Variants in BECN1 observed in about 807,000 individuals in gnomAD.
BECN1 encodes beclin 1.
In BECN1, 15 loss-of-function variants were observed where a neutral mutation model predicts 60.1. The ratio of observed to expected loss-of-function variants is 0.25; its 90% CI spans 0.17 to 0.38. BECN1 has a LOEUF of 0.38. BECN1 is among the 10% of genes least tolerant of loss of function. The pLI, the probability that BECN1 is intolerant of heterozygous loss-of-function variation, is 1.00. For synonymous variants in BECN1, 179 were observed against 201.8 expected, an observed-to-expected ratio of 0.89 and a Z score of 0.96; for missense variants, 424 against 548.2, an observed-to-expected ratio of 0.77 and a Z score of 2.26.
rs762407326 is a variant in BECN1 at position 42,815,901 on chromosome 17, T to C, written c.830+7A>G. 1.1e-5 allele frequency: 17 copies of C among 1,614,078 alleles called. No homozygotes were observed. The African/African-American group carries it at 2.0e-4, about 19-fold the overall frequency. On this transcript the variant is annotated splice_region_variant and intron_variant, in intron 8 of 11. Coordinates refer to ENST00000590099, the MANE Select transcript of BECN1 (RefSeq NM_001313998.2). ...TGCAGTGCTCCTCATCCCCTAGCTC[T>C]CATTACCAGATGTGGAAGGTTGCAT...
chr17:42,816,187 C>A (rs1416418845), intron 7 of BECN1, 133 bp from the exon 8 acceptor site: 10 of 986,122 alleles, frequency 1.0e-5, no homozygotes, highest in Non-Finnish European at 1.3e-5. Context: ...TGGCATAGAT[C>A]CCATTCTGAG....
rs978981316 is a variant in BECN1, at chr17:42,814,952, G to C, written c.831-279C>G. On this transcript the variant is annotated intron_variant, in intron 8 of 11. Coordinates refer to ENST00000590099, the MANE Select transcript of BECN1 (RefSeq NM_001313998.2). ...CTGATTCTACCTGCTAAATATCTTG[G>C]ATCTTTCCACTTTTCTCCAAATTCA... is the stretch of plus-strand genomic sequence containing the variant. 12 of 436,490 alleles carry C rather than the reference G, an allele frequency of 2.7e-5. No individual in the cohort carries two copies. The East Asian group carries it at 4.4e-4, about 16-fold the overall frequency. The allele number at this position is 436,490 out of a possible 1,614,324, so 27.0% of individuals were successfully genotyped here.
rs540565326 is a variant in BECN1 at position 42,810,319 on chromosome 17, A to G, written c.*441T>C. The G allele has an allele frequency of 2.6e-5, 4 of 154,140 alleles. No homozygotes were observed. The highest frequency in any genetic ancestry group is 4.8e-5 in the African/African-American group (2 of 41,590). 9.5% of individuals were successfully genotyped at this position (154,140 alleles called of 1,614,324 possible). On this transcript the variant is annotated 3_prime_UTR_variant, in exon 12 of 12. Transcript: ENST00000590099. ...ATCACATGGTGACCAGGTAAAGCTT[A>G]GATGTCATTTTCCCACATTATCCAA...
At chr17:42,814,335 A>G in intron 9 of BECN1, 189 bp downstream of exon 9, 1 of 705,412 alleles carries the variant, frequency 1.4e-6, no homozygotes, top group Non-Finnish European at 2.3e-6. Flanking sequence ...CACGCAACTC[A>G]GTGACTGTGT....
At chr17:42,822,261 T>C (rs2055281669) in intron 2 of BECN1, among the ~76,000 whole-genome samples, 1 of 152,182 alleles carries the variant, frequency 6.6e-6, no homozygotes, top group Non-Finnish European at 1.5e-5. Context: ...CAGGTAATAA[T>C]AGCAGCTAAT....
In BECN1 at chr17:42,814,141, C is replaced by A. The variant is rs1409788174; in HGVS notation, c.981-133G>T. On this transcript the variant is annotated intron_variant, in intron 9 of 11. Coordinates refer to ENST00000590099, the MANE Select transcript of BECN1 (RefSeq NM_001313998.2). Reference sequence around the variant, plus strand: ...TATTATGCTCAACTCCCTCTCCCACCTCCCCATTGAATCCATGTTTAAAAG... The same window carrying A: ...TATTATGCTCAACTCCCTCTCCCACATCCCCATTGAATCCATGTTTAAAAG... 4.3e-5 allele frequency: 25 copies of A among 575,376 alleles called. No individual in the cohort carries two copies. The East Asian group carries it at 6.5e-4, about 15-fold the overall frequency. 35.6% of individuals were successfully genotyped at this position (575,376 alleles called of 1,614,324 possible).
chr17:42,814,706 A>G, intron 8 of BECN1, 33 bp from the exon 9 acceptor site: 1 of 1,612,392 alleles, frequency 6.2e-7, no homozygotes. Flanking sequence ...GGGGGGAAAT[A>G]CAGGGATTAC....
Position 42,814,025 on chromosome 17 carries a change from A to T in BECN1, c.981-17T>A. The stretch of plus-strand genomic sequence containing the variant: ...AGTCGGTATCTAAAATAGAGATACA[A>T]ACAGAGATGGATACAGGACTCCTCC... On this transcript the variant is annotated splice_polypyrimidine_tract_variant and intron_variant, in intron 9 of 11. Transcript: ENST00000590099. The T allele has an allele frequency of 6.4e-7, 1 of 1,560,216 alleles. No individual in the cohort carries two copies. The highest frequency in any genetic ancestry group is 8.8e-7 in the Non-Finnish European group (1 of 1,136,918).
rs1004791977 is a variant in BECN1 at position 42,810,568 on chromosome 17, T to C, written c.*192A>G. On this transcript the variant is annotated 3_prime_UTR_variant, in exon 12 of 12. Coordinates refer to ENST00000590099, the MANE Select transcript of BECN1 (RefSeq NM_001313998.2). Reference sequence around the variant, plus strand: ...CAAAACTGACCAGGGCTGGCAACTATAGATGGCATGTTGTAGCTCTGGAAA... The same window carrying C: ...CAAAACTGACCAGGGCTGGCAACTACAGATGGCATGTTGTAGCTCTGGAAA... 5.9e-6 allele frequency: 3 copies of C among 508,710 alleles called. No individual in the cohort carries two copies. The highest frequency in any genetic ancestry group is 4.0e-5 in the African/African-American group (2 of 50,552). The allele number at this position is 508,710 out of a possible 1,614,324, so 31.5% of individuals were successfully genotyped here.
In BECN1 at chr17:42,814,786, A is replaced by G. The variant is rs563785492; in HGVS notation, c.831-113T>C. 166 of 1,339,864 alleles carry G rather than the reference A, an allele frequency of 1.2e-4. No homozygotes were observed. In the Middle Eastern group the frequency reaches 2.1e-3, roughly 17 times the overall value. 83.0% of individuals were successfully genotyped at this position (1,339,864 alleles called of 1,614,324 possible). A position where few individuals can be genotyped will look rare whatever the true frequency, so the allele number is the denominator to read the frequency against. On this transcript the variant is annotated intron_variant, in intron 8 of 11. Transcript: ENST00000590099. Reference sequence around the variant, plus strand: ...AATCTATCTTCAAGTCCATATATGCAAGCTGTACTTGGCACTTTAAATACA... The same window carrying G: ...AATCTATCTTCAAGTCCATATATGCGAGCTGTACTTGGCACTTTAAATACA...
intron 2 of BECN1, among the ~76,000 whole-genome samples, chr17:42,821,353 C>T (rs940061021): frequency 1.3e-5 from 2 of 151,982 alleles, no homozygotes; most frequent in Admixed American, 6.6e-5. Flanking sequence ...CGCGCCCGGC[C>T]GGTATCATTT....
chr17:42,821,960 AC>A (rs2055273858), intron 2 of BECN1, among the ~76,000 whole-genome samples: 1 of 152,210 alleles, frequency 6.6e-6, no homozygotes, highest in Admixed American at 6.5e-5. Flanking sequence ...TAGTCCCAGC[AC>A]TTTGGGAGGC....
intron 10 of BECN1, chr17:42,812,899 A>G (rs2055056894): frequency 8.5e-6 from 1 of 117,796 alleles, no homozygotes; most frequent in African/African-American, 3.4e-5. Context: ...CAGTGGCGCA[A>G]TCTCGGCTTA....
intron 7 of BECN1, 39 bp from the exon 8 acceptor site, chr17:42,816,093 T>G (rs774541542): frequency 1.3e-6 from 2 of 1,534,760 alleles, no homozygotes; most frequent in Non-Finnish European, 1.7e-6. Flanking sequence ...GCTGTTAGCT[T>G]GGGGGCTAAA....
In BECN1 at chr17:42,815,095, T is replaced by C. The variant is rs376705269; in HGVS notation, c.831-422A>G. On this transcript the variant is annotated intron_variant, in intron 8 of 11. Coordinates refer to ENST00000590099, the MANE Select transcript of BECN1 (RefSeq NM_001313998.2). ...AAAAGCCATCATTCACGAATACAAGTGTAATTACGTCACTTCCCTAGCTAA... is the reference window on the plus strand; with the variant it reads ...AAAAGCCATCATTCACGAATACAAGCGTAATTACGTCACTTCCCTAGCTAA... 5.7e-5 allele frequency: 10 copies of C among 174,532 alleles called. No homozygotes were observed. In the South Asian group the frequency reaches 1.0e-3, roughly 18 times the overall value. 10.8% of individuals were successfully genotyped at this position (174,532 alleles called of 1,614,324 possible). A position where few individuals can be genotyped will look rare whatever the true frequency, so the allele number is the denominator to read the frequency against.
rs779366321 is a variant in BECN1 at position 42,818,893 on chromosome 17, C to T, written c.261-16G>A. 7.4e-6 allele frequency: 12 copies of T among 1,613,440 alleles called. No individual in the cohort carries two copies. Among genetic ancestry groups the T allele is most frequent in the East Asian group, 4.5e-5 (2 of 44,884 alleles). On this transcript the variant is annotated splice_polypyrimidine_tract_variant and intron_variant, in intron 4 of 11. Transcript: ENST00000590099. ...GGACATCATCCTGCAGACAGCCCCC[C>T]GCCCACGGGCCACATGAGGGAACAG...
intron 9 of BECN1, 196 bp downstream of exon 9, chr17:42,814,328 G>A (rs1396146459): frequency 4.3e-5 from 29 of 677,290 alleles, no homozygotes; most frequent in African/African-American, 9.1e-5. Flanking sequence ...CTATAGTCAC[G>A]CAACTCAGTG....
chr17:42,814,361 C>T (rs1431863579), intron 9 of BECN1, 163 bp downstream of exon 9: 4 of 884,954 alleles, frequency 4.5e-6, no homozygotes, highest in South Asian at 1.7e-5. Flanking sequence ...GTGGAGAGAG[C>T]CCTGTGATGA....
intron 11 of BECN1, 30 bp downstream of exon 11, chr17:42,811,625 C>A: frequency 6.3e-7 from 1 of 1,596,930 alleles, no homozygotes; most frequent in Non-Finnish European, 8.5e-7. Flanking sequence ...TGGTCCTATA[C>A]AAGTTCACTC....
Sources: gnomAD v4.1 joint callset for allele counts (sites outside exome capture counted in the v4.1 genomes callset) on GRCh38, gnomAD v4.1.1 for gene constraint, MANE v1.5 for transcripts, NCBI Gene and HGNC (gene_info 2026-07-23, HGNC 2026-07-21) for gene names.